The following THSD7B variants were observed in gnomAD, a reference collection of about 807,000 sequenced individuals.
THSD7B encodes thrombospondin type-1 domain-containing protein 7B.
In THSD7B, 138 loss-of-function variants were observed where a neutral mutation model predicts 213.6. The observed-to-expected ratio is 0.65, with a 90% CI of 0.56 to 0.74. THSD7B has a LOEUF of 0.74. Ranked by LOEUF, THSD7B falls within the 30% of genes least tolerant of loss-of-function variation. The pLI is 0.00. For missense variants in THSD7B, 1,931 were observed against 1,991.5 expected, an observed-to-expected ratio of 0.97 and a Z score of 0.58; for synonymous variants, 742 against 687.0, an observed-to-expected ratio of 1.08 and a Z score of -1.25.
intron 3 of THSD7B, among the ~76,000 whole-genome samples, chr2:137,079,576 C>T (rs752465719): frequency 1.3e-5 from 2 of 152,014 alleles, no homozygotes; most frequent in Non-Finnish European, 2.9e-5. Context: ...TTTATCCATC[C>T]CTTTATTTTT....
intron 7 of THSD7B, among the ~76,000 whole-genome samples, chr2:137,181,069 A>G (rs1379242566): frequency 1.3e-5 from 2 of 152,328 alleles, no homozygotes; most frequent in Non-Finnish European, 2.9e-5. Context: ...TTTAAGTTAG[A>G]TATATAGTAC....
In THSD7B at chr2:137,644,516, A is replaced by T. The variant is rs1218223642; in HGVS notation, c.3945+1883A>T. On this transcript the variant is annotated intron_variant, in intron 21 of 27. Transcript: ENST00000409968. ...GCAGAGGTGCAAGAGAAAGGGAATCATGACAATATCTAAGTTGAGTTTTTC... is the reference window on the plus strand; with the variant it reads ...GCAGAGGTGCAAGAGAAAGGGAATCTTGACAATATCTAAGTTGAGTTTTTC... 3.9e-5 allele frequency among the ~76,000 whole-genome samples: 6 copies of T among 152,160 alleles called. No individual in the cohort carries two copies. In the East Asian group the frequency reaches 9.6e-4, roughly 24 times the overall value.
chr2:137,456,688 C>A (rs560939482), intron 15 of THSD7B, among the ~76,000 whole-genome samples: 2 of 152,208 alleles, frequency 1.3e-5, no homozygotes, highest in Non-Finnish European at 2.9e-5. Flanking sequence ...TTCTTACATG[C>A]AGAGGGGAGG....
At chr2:137,313,838 G>A (rs539325559) in intron 12 of THSD7B, among the ~76,000 whole-genome samples, 23 of 152,208 alleles carry the variant, frequency 1.5e-4, no homozygotes, top group East Asian at 5.8e-4. Context: ...ATTGGCCCCC[G>A]CTCTCTTCTG....
chr2:137,098,889 A>G (rs983593091), intron 4 of THSD7B, among the ~76,000 whole-genome samples: 1 of 152,216 alleles, frequency 6.6e-6, no homozygotes, highest in Non-Finnish European at 1.5e-5. Flanking sequence ...CGGAGCAACT[A>G]ATTTAACTTG....
chr2:137,204,856 C>T (rs535804256), intron 7 of THSD7B, among the ~76,000 whole-genome samples: 3 of 151,930 alleles, frequency 2.0e-5, no homozygotes, highest in Non-Finnish European at 2.9e-5. Flanking sequence ...GAAAAAAAGT[C>T]GCTGAAACAC....
intron 2 of THSD7B, among the ~76,000 whole-genome samples, chr2:136,918,678 G>A (rs1684384646): frequency 6.6e-6 from 1 of 152,236 alleles, no homozygotes; most frequent in Non-Finnish European, 1.5e-5. Flanking sequence ...CTCCGTGACA[G>A]AAGATCTGAA....
intron 17 of THSD7B, among the ~76,000 whole-genome samples, chr2:137,586,125 A>C (rs1681720716): frequency 6.6e-6 from 1 of 152,068 alleles, no homozygotes; most frequent in Admixed American, 6.6e-5. Flanking sequence ...TTGTTGGTTT[A>C]AAGTCTGTTT....
rs141329622 is a variant in THSD7B, at chr2:137,239,361, C to T, written c.2151-3096C>T. On this transcript the variant is annotated intron_variant, in intron 9 of 27. Coordinates refer to ENST00000409968, the MANE Select transcript of THSD7B (RefSeq NM_001316349.2). Reference sequence around the variant, plus strand: ...TGATTGGGAAAACAGACACATAGTTCACCAATATAAAAAGGTGAACAGTTG... The same window carrying T: ...TGATTGGGAAAACAGACACATAGTTTACCAATATAAAAAGGTGAACAGTTG... Among the ~76,000 whole-genome samples the T allele has an allele frequency of 4.1e-3, 625 of 152,204 alleles. 4 individuals are homozygous for T. The highest frequency in any genetic ancestry group is 0.012 in the African/African-American group (500 of 41,522).
intron 15 of THSD7B, among the ~76,000 whole-genome samples, chr2:137,466,082 T>C (rs1687985260): frequency 1.3e-5 from 2 of 152,158 alleles, no homozygotes; most frequent in South Asian, 4.1e-4. Context: ...TTGCAAGTAT[T>C]ATGCAGGTGG....
chr2:137,671,814 C>T (rs1428647284), intron 27 of THSD7B, among the ~76,000 whole-genome samples: 3 of 152,128 alleles, frequency 2.0e-5, no homozygotes, highest in Non-Finnish European at 2.9e-5. Flanking sequence ...TTTCCAAGGA[C>T]GTTTCTGCTT....
rs764351330 is a variant in THSD7B at position 137,642,584 on chromosome 2, C to A, written c.3896C>A (p.Thr1299Asn). 3 of 1,613,872 alleles carry A rather than the reference C, an allele frequency of 1.9e-6. No homozygotes were observed. The highest frequency in any genetic ancestry group is 2.2e-5 in the South Asian group (2 of 91,076). ...ACCCAGGAGAAAACCTGCCCAGTGA[C>A]CCCCTGCTACAGCTGGGTCCTTGGC... ...ELTQEKTCPVTPCYSWVLGNW... is the reference protein window; with the variant it reads ...ELTQEKTCPVNPCYSWVLGNW... The change falls in exon 21 of 28, where the codon ACC (threonine) becomes AAC (asparagine). Residue 1299 changes from threonine to asparagine, a missense_variant. Thr to Asn is a moderately conservative substitution (Grantham distance 65). Coordinates refer to ENST00000409968, the MANE Select transcript of THSD7B (RefSeq NM_001316349.2).
intron 2 of THSD7B, among the ~76,000 whole-genome samples, chr2:136,926,487 T>A (rs891651375): frequency 1.3e-5 from 2 of 151,784 alleles, no homozygotes; most frequent in Non-Finnish European, 2.9e-5. Context: ...GAGTCCAGGA[T>A]TTTGAGACCA....
intron 12 of THSD7B, among the ~76,000 whole-genome samples, chr2:137,287,103 T>G (rs892226026): frequency 7.2e-5 from 11 of 152,162 alleles, no homozygotes; most frequent in Non-Finnish European, 1.5e-5. Context: ...TTATTATTTT[T>G]GGGGAGAATT....
Position 136,869,791 on chromosome 2 carries a change from C to T in THSD7B, c.-35-12353C>T, listed in dbSNP as rs118025472. Among the ~76,000 whole-genome samples the T allele has an allele frequency of 4.0e-3, 616 of 152,176 alleles. 24 individuals carry two copies. The East Asian group carries it at 0.088, about 22-fold the overall frequency. On this transcript the variant is annotated intron_variant, in intron 1 of 27. Coordinates refer to ENST00000409968, the MANE Select transcript of THSD7B (RefSeq NM_001316349.2). ...TGATTCTTTTAAAAATGAGTGTCAG[C>T]GGCTGGGCACGGTGGCTCACGCCTG...
At chr2:137,467,733 A>G (rs1168195067) in intron 15 of THSD7B, among the ~76,000 whole-genome samples, 1 of 152,152 alleles carries the variant, frequency 6.6e-6, no homozygotes, top group African/African-American at 2.4e-5. Context: ...AATTGGCCTA[A>G]TACTTTCTCT....
chr2:136,877,956 A>G (rs548032622), intron 1 of THSD7B, among the ~76,000 whole-genome samples: 1 of 151,990 alleles, frequency 6.6e-6, no homozygotes, highest in Non-Finnish European at 1.5e-5. Context: ...GTTTTAGGGT[A>G]CATGTGCACA....
intron 2 of THSD7B, among the ~76,000 whole-genome samples, chr2:137,013,634 C>T (rs1448026055): frequency 6.6e-6 from 1 of 152,178 alleles, no homozygotes; most frequent in Non-Finnish European, 1.5e-5. Context: ...ATCCTGAACA[C>T]CACCTTTAGT....
At chr2:136,840,283 G>A (rs892203293) in intron 1 of THSD7B, among the ~76,000 whole-genome samples, 2 of 152,168 alleles carry the variant, frequency 1.3e-5, no homozygotes, top group Non-Finnish European at 2.9e-5. Context: ...GGAGGCTGAG[G>A]CAGGAGAATC....
Sources: allele counts gnomAD v4.1 joint callset (sites outside exome capture counted in the v4.1 genomes callset), GRCh38; gene constraint gnomAD v4.1.1; transcripts MANE v1.5; gene names NCBI Gene and HGNC (gene_info 2026-07-23, HGNC 2026-07-21).